The following ZBTB7C variants were observed in gnomAD, a reference collection of about 807,000 sequenced individuals.
The protein encoded by ZBTB7C is zinc finger and BTB domain containing 7C.
A neutral mutation model predicts 25.7 loss-of-function variants in ZBTB7C; 8 were observed. That is an observed-to-expected ratio of 0.31 (90% CI 0.18 to 0.56). ZBTB7C has a LOEUF of 0.56. Among genes scored for constraint, ZBTB7C ranks in the 20% least tolerant of loss-of-function variants. The pLI is 0.91. For synonymous variants in ZBTB7C, 394 were observed against 369.0 expected, an observed-to-expected ratio of 1.07 and a Z score of -0.78; for missense variants, 824 against 855.2, an observed-to-expected ratio of 0.96 and a Z score of 0.46.
intron 1 of ZBTB7C, among the ~76,000 whole-genome samples, chr18:48,400,986 T>A (rs1237427155): frequency 6.6e-6 from 1 of 152,118 alleles, no homozygotes; most frequent in Non-Finnish European, 1.5e-5. Context: ...GTAAGGAGTG[T>A]GCCCCCAGCA....
intron 3 of ZBTB7C, among the ~76,000 whole-genome samples, chr18:48,041,955 G>A (rs1243263218): frequency 6.6e-6 from 1 of 152,140 alleles, no homozygotes; most frequent in Non-Finnish European, 1.5e-5. Flanking sequence ...AGCGTCTTCT[G>A]AGACACCTTA....
intron 2 of ZBTB7C, among the ~76,000 whole-genome samples, chr18:48,253,665 T>C (rs903412250): frequency 3.9e-5 from 6 of 152,090 alleles, no homozygotes; most frequent in Admixed American, 2.6e-4. Context: ...CAGAGATCTG[T>C]AGAGGGCTCC....
chr18:48,367,202 T>TATATATACACAC (rs1302394192), intron 1 of ZBTB7C, among the ~76,000 whole-genome samples: 75 of 63,364 alleles, frequency 1.2e-3, no homozygotes, highest in African/African-American at 4.3e-3. Context: ...TATATATATA[T>TATATATACACAC]ACACACACAC....
At chr18:48,293,178 T>C (rs2045283872) in intron 2 of ZBTB7C, among the ~76,000 whole-genome samples, 1 of 152,208 alleles carries the variant, frequency 6.6e-6, no homozygotes. Flanking sequence ...TAGAAATGTA[T>C]TGCTCCCAGT....
At chr18:48,411,558 TC>T (rs1361751036), upstream of ZBTB7C, among the ~76,000 whole-genome samples, 11 of 152,248 alleles carry the variant, frequency 7.2e-5, no homozygotes, top group African/African-American at 2.7e-4. Context: ...TGGCCCCGCT[TC>T]TAAGCCATAA....
At chr18:48,280,871 T>TTG (rs1568349477) in intron 2 of ZBTB7C, among the ~76,000 whole-genome samples, 1 of 110,556 alleles carries the variant, frequency 9.0e-6, no homozygotes. Flanking sequence ...TTTTTTTTTT[T>TTG]GAGACAGAGT....
At chr18:48,350,261 G>C (rs2046834372) in intron 1 of ZBTB7C, among the ~76,000 whole-genome samples, 1 of 152,158 alleles carries the variant, frequency 6.6e-6, no homozygotes, top group Non-Finnish European at 1.5e-5. Context: ...GGAGGCTCTA[G>C]GGAGGAACAT....
intron 3 of ZBTB7C, among the ~76,000 whole-genome samples, chr18:48,121,629 T>C (rs1206974386): frequency 6.6e-6 from 1 of 152,138 alleles, no homozygotes; most frequent in Admixed American, 6.5e-5. Context: ...TTTAGCAGCA[T>C]GTGAAACTGA....
At chr18:48,141,077 C>CA (rs1401991056) in intron 3 of ZBTB7C, among the ~76,000 whole-genome samples, 1 of 151,972 alleles carries the variant, frequency 6.6e-6, no homozygotes, top group Non-Finnish European at 1.5e-5. Context: ...CCATAGCCCT[C>CA]AAGGCCCTTC....
At chr18:48,112,963 G>C (rs569417585) in intron 3 of ZBTB7C, among the ~76,000 whole-genome samples, 2 of 152,208 alleles carry the variant, frequency 1.3e-5, no homozygotes, top group Non-Finnish European at 2.9e-5. Flanking sequence ...CAGTGCATCA[G>C]AGAAAAGTAA....
At chr18:48,062,897 C>T (rs2037177343) in intron 3 of ZBTB7C, among the ~76,000 whole-genome samples, 1 of 152,216 alleles carries the variant, frequency 6.6e-6, no homozygotes, top group South Asian at 2.1e-4. Flanking sequence ...GATGCTTGTC[C>T]TGGCACAGGG....
At chr18:48,347,244 T>C (rs1358831230) in intron 1 of ZBTB7C, among the ~76,000 whole-genome samples, 1 of 147,502 alleles carries the variant, frequency 6.8e-6, no homozygotes, top group African/African-American at 2.5e-5. Flanking sequence ...TAGCTGGGAC[T>C]ACAGGCACGC....
Position 48,040,858 on chromosome 18 carries a change from C to T in ZBTB7C, c.250G>A (p.Ala84Thr). The T allele has an allele frequency of 6.2e-7, 1 of 1,614,150 alleles. No homozygotes were observed. ...GCGAACTCCAGGATAGCAGCCAGAG[C>T]CTCAGGCTGGACAAAGTCGATCTCA... Reference protein sequence around the residue: ...VYEIDFVQPEALAAILEFAYT... With the variant: ...VYEIDFVQPETLAAILEFAYT... Residue 84 changes from alanine to threonine, a missense_variant, in exon 4 of 5, where the codon GCT becomes ACT. Physicochemically the swap from Ala to Thr is moderately conservative, Grantham distance 58. Around this residue, in one of 4 missense-constraint regions of ZBTB7C, gnomAD observed 117 missense variants for 167.7 expected, o/e 0.70. Transcript: ENST00000590800.
intron 2 of ZBTB7C, among the ~76,000 whole-genome samples, chr18:48,204,728 T>C (rs190355040): frequency 2.2e-3 from 341 of 152,184 alleles, no homozygotes; most frequent in Non-Finnish European, 4.0e-3. Flanking sequence ...TGGCCTAAGG[T>C]TACCTCCACA....
intron 3 of ZBTB7C, among the ~76,000 whole-genome samples, chr18:48,122,351 AT>A (rs1471334406): frequency 6.6e-6 from 1 of 152,072 alleles, no homozygotes; most frequent in Admixed American, 6.5e-5. Context: ...ATTGTTGGTC[AT>A]TTTTTTCTCT....
intron 3 of ZBTB7C, among the ~76,000 whole-genome samples, chr18:48,046,279 C>T (rs1346520979): frequency 1.3e-5 from 2 of 152,202 alleles, no homozygotes; most frequent in East Asian, 1.9e-4. Flanking sequence ...AATGTCTCAC[C>T]TTAACAAAAT....
At chr18:48,390,814 C>G (rs62086551) in intron 1 of ZBTB7C, among the ~76,000 whole-genome samples, 1 of 152,174 alleles carries the variant, frequency 6.6e-6, no homozygotes, top group South Asian at 2.1e-4. Context: ...GCCTGGTCCC[C>G]GTGGCGGCTG....
chr18:48,331,855 C>T (rs2046348820), intron 2 of ZBTB7C, among the ~76,000 whole-genome samples: 1 of 152,060 alleles, frequency 6.6e-6, no homozygotes, highest in Non-Finnish European at 1.5e-5. Context: ...GGAACATTTC[C>T]ACTTCTTTTT....
intron 1 of ZBTB7C, among the ~76,000 whole-genome samples, chr18:48,394,819 T>C (rs2047982742): frequency 6.6e-6 from 1 of 152,220 alleles, no homozygotes; most frequent in Non-Finnish European, 1.5e-5. Context: ...ACCCATAATA[T>C]GCAAATGCAC....
Sources: gnomAD v4.1 joint callset for allele counts (sites outside exome capture counted in the v4.1 genomes callset) on GRCh38, gnomAD v4.1.1 for gene constraint, gnomAD v4.1.1 regional missense constraint, MANE v1.5 for transcripts, NCBI Gene and HGNC (gene_info 2026-07-23, HGNC 2026-07-21) for gene names.